USP6NL: variants seen among roughly 807,000 people sequenced by gnomAD.
USP6NL encodes USP6 N-terminal like.
Under a neutral mutation model 61.9 loss-of-function variants are expected in USP6NL, and 26 were observed. The ratio of observed to expected loss-of-function variants is 0.42; its 90% CI spans 0.31 to 0.58. USP6NL has a LOEUF of 0.58. Ranked by LOEUF, USP6NL falls within the 20% of genes least tolerant of loss-of-function variation. The probability of loss-of-function intolerance (pLI) is 0.16; values close to 1 mark genes in which losing one functional copy is unlikely to be tolerated. For missense variants in USP6NL, 1,114 were observed against 1,034.3 expected, an observed-to-expected ratio of 1.08 and a Z score of -1.06; for synonymous variants, 432 against 390.1, an observed-to-expected ratio of 1.11 and a Z score of -1.27.
Position 11,520,661 on chromosome 10 carries a change from T to C in USP6NL, c.156-2087A>G, listed in dbSNP as rs1471962459. ...CCACAATCTGGGTGAATGCAGAGAA[T>C]TCCTTTAGGTCAGCAAACTATGGTG... On this transcript the variant is annotated intron_variant, in intron 4 of 14. Coordinates refer to ENST00000609104, the MANE Select transcript of USP6NL (RefSeq NM_014688.5). The surrounding 1 kb of genome is among the most constrained non-coding windows in gnomAD (Gnocchi z 5.2). Among the ~76,000 whole-genome samples the C allele has an allele frequency of 6.6e-6, 1 of 152,232 alleles. No individual in the cohort carries two copies. Among genetic ancestry groups the C allele is most frequent in the Non-Finnish European group, 1.5e-5 (1 of 68,036 alleles).
At chr10:11,603,135 G>A (rs1445572024) in intron 1 of USP6NL, among the ~76,000 whole-genome samples, 1 of 152,208 alleles carries the variant, frequency 6.6e-6, no homozygotes, top group Non-Finnish European at 1.5e-5. Context: ...AGAGCAAAAT[G>A]AGCAATCATC....
intron 3 of USP6NL, among the ~76,000 whole-genome samples, chr10:11,527,162 G>C (rs1479908506): frequency 1.3e-5 from 2 of 152,108 alleles, no homozygotes; most frequent in Non-Finnish European, 2.9e-5. Context: ...GGTCAGAGAA[G>C]ATCTCAGTAA....
rs1205428229 is a variant in USP6NL at position 11,520,423 on chromosome 10, G to A, written c.156-1849C>T. On this transcript the variant is annotated intron_variant, in intron 4 of 14. Coordinates refer to ENST00000609104, the MANE Select transcript of USP6NL (RefSeq NM_014688.5). This position sits in a 1 kb window ranked among gnomAD's most constrained non-coding sequence, Gnocchi z 5.2. ...CCCTCAAGTCTCTGTGCCGGCATAT[G>A]CTTAAATTTCACACCCTTCCGAGGA... is the stretch of plus-strand genomic sequence containing the variant. 1.3e-5 allele frequency among the ~76,000 whole-genome samples: 2 copies of A among 152,188 alleles called. No homozygotes were observed. Among genetic ancestry groups the A allele is most frequent in the Non-Finnish European group, 2.9e-5 (2 of 68,038 alleles).
intron 2 of USP6NL, among the ~76,000 whole-genome samples, chr10:11,543,579 T>C (rs1244972751): frequency 6.6e-6 from 1 of 151,838 alleles, no homozygotes; most frequent in East Asian, 1.9e-4. Context: ...AAAAGAAACA[T>C]CTATATAATC....
chr10:11,555,847 T>C (rs1836690076), intron 2 of USP6NL, among the ~76,000 whole-genome samples: 1 of 152,112 alleles, frequency 6.6e-6, no homozygotes, highest in African/African-American at 2.4e-5. Context: ...CAGAAGATAA[T>C]GAAATTACAC....
In USP6NL at chr10:11,541,320, A is replaced by G. The variant is rs1371413514; in HGVS notation, c.5-13753T>C. Among the ~76,000 whole-genome samples, 10 of 144,534 alleles carry G rather than the reference A, an allele frequency of 6.9e-5. No individual in the cohort carries two copies. The East Asian group carries it at 2.0e-3, about 29-fold the overall frequency. The allele number at this position is 144,534 out of a possible 152,430, so 94.8% of individuals were successfully genotyped here. ...GACCAGATGAATTAAGTAGCAACTAAGAACCTGAGTGATAAGCAGTAACCA... is the reference window on the plus strand; with the variant it reads ...GACCAGATGAATTAAGTAGCAACTAGGAACCTGAGTGATAAGCAGTAACCA... On this transcript the variant is annotated intron_variant, in intron 2 of 14. Transcript: ENST00000609104.
rs983817823 is a variant in USP6NL at position 11,517,078 on chromosome 10, A to G, written c.195+1457T>C. Reference sequence around the variant, plus strand: ...CAGATTTTTATTTTGCCAAATGTGGATATCTTTTGTTAAAGATATCTTCCA... The same window carrying G: ...CAGATTTTTATTTTGCCAAATGTGGGTATCTTTTGTTAAAGATATCTTCCA... On this transcript the variant is annotated intron_variant, in intron 5 of 14. Transcript: ENST00000609104. 2.6e-5 allele frequency among the ~76,000 whole-genome samples: 4 copies of G among 152,314 alleles called. No homozygotes were observed. The East Asian group carries it at 5.8e-4, about 22-fold the overall frequency.
chr10:11,556,573 T>C (rs1380114681), intron 2 of USP6NL, among the ~76,000 whole-genome samples: 1 of 151,994 alleles, frequency 6.6e-6, no homozygotes, highest in African/African-American at 2.4e-5. Flanking sequence ...AGTAAAAGAA[T>C]GGGAAAGTTA....
chr10:11,515,077 A>G (rs189183210), intron 5 of USP6NL, among the ~76,000 whole-genome samples: 1 of 152,322 alleles, frequency 6.6e-6, no homozygotes, highest in Admixed American at 6.5e-5. Context: ...AGAAGGTCGA[A>G]GGATTAAAAC....
chr10:11,602,109 C>A lies in USP6NL; in HGVS notation c.-83-4392G>T, dbSNP rs11257190. On this transcript the variant is annotated intron_variant, in intron 1 of 14. Transcript: ENST00000609104. The surrounding 1 kb of genome is among the most constrained non-coding windows in gnomAD (Gnocchi z 4.8). ...CGTCCAAATAACAAGGGATTGACTACATTGTTAATTCACATTTAATAGATT... is the reference window on the plus strand; with the variant it reads ...CGTCCAAATAACAAGGGATTGACTAAATTGTTAATTCACATTTAATAGATT... 0.22 allele frequency among the ~76,000 whole-genome samples: 32,761 copies of A among 152,016 alleles called. 4,136 individuals carry two copies. Among genetic ancestry groups the A allele is most frequent in the East Asian group, 0.58 (3,010 of 5,174 alleles).
At chr10:11,527,388 T>A in intron 3 of USP6NL, 112 bp downstream of exon 3, 1 of 877,070 alleles carries the variant, frequency 1.1e-6, no homozygotes, top group Non-Finnish European at 1.8e-6. Context: ...TATGTCCCCA[T>A]GAAGTTAAAC....
At chr10:11,608,340 T>A (rs1344547623) in intron 1 of USP6NL, among the ~76,000 whole-genome samples, 1 of 152,228 alleles carries the variant, frequency 6.6e-6, no homozygotes, top group East Asian at 1.9e-4. Flanking sequence ...CTAATGGCTA[T>A]GGAACAAAGC....
intron 2 of USP6NL, among the ~76,000 whole-genome samples, chr10:11,593,067 T>G (rs890265510): frequency 2.6e-5 from 4 of 152,176 alleles, no homozygotes; most frequent in Admixed American, 2.6e-4. Context: ...TTTCATTATT[T>G]AGAACAAAGG....
chr10:11,530,828 ATAGT>A (rs1566161899), intron 2 of USP6NL, among the ~76,000 whole-genome samples: 1 of 152,248 alleles, frequency 6.6e-6, no homozygotes, highest in African/African-American at 2.4e-5. Context: ...AGGGTTTGCT[ATAGT>A]TAAATTATGG....
At chr10:11,505,417 T>C (rs912814683) in intron 6 of USP6NL, among the ~76,000 whole-genome samples, 3 of 152,132 alleles carry the variant, frequency 2.0e-5, no homozygotes, top group Admixed American at 2.0e-4. Context: ...ATGAAAAAAT[T>C]AGGACATAGA....
At chr10:11,610,381 T>C (rs1275447062) in intron 1 of USP6NL, among the ~76,000 whole-genome samples, 2 of 152,204 alleles carry the variant, frequency 1.3e-5, no homozygotes, top group Non-Finnish European at 2.9e-5. Flanking sequence ...GGCTAATTTA[T>C]TCTTATTCAG....
chr10:11,466,862 T>C (rs190252846), intron 14 of USP6NL, among the ~76,000 whole-genome samples: 11 of 152,210 alleles, frequency 7.2e-5, no homozygotes, highest in Non-Finnish European at 1.5e-4. Flanking sequence ...TTTGTGAATC[T>C]AAAGATAGAA....
Position 11,485,318 on chromosome 10 carries a change from T to C in USP6NL, c.760-84A>G, listed in dbSNP as rs1833413751. 3 of 1,118,486 alleles carry C rather than the reference T, an allele frequency of 2.7e-6. No homozygotes were observed. Among genetic ancestry groups the C allele is most frequent in the Non-Finnish European group, 3.8e-6 (3 of 799,088 alleles). 69.3% of individuals were successfully genotyped at this position (1,118,486 alleles called of 1,614,324 possible). A position where few individuals can be genotyped will look rare whatever the true frequency, so the allele number is the denominator to read the frequency against. On this transcript the variant is annotated intron_variant, in intron 11 of 14. Transcript: ENST00000609104. The surrounding 1 kb of genome is among the most constrained non-coding windows in gnomAD (Gnocchi z 4.8). ...ATACTAAGTTAGGAAGGCTGTTGGA[T>C]GCAGCTATCAAAGCTAAACACATTT...
Position 11,462,863 on chromosome 10 carries a change from T to G in USP6NL, c.2065A>C (p.Ser689Arg). The G allele has an allele frequency of 6.2e-7, 1 of 1,613,898 alleles. No homozygotes were observed. The highest frequency in any genetic ancestry group is 1.7e-5 in the Admixed American group (1 of 60,004). ...CGACTAGACGGCAGTACAAGGGGGCTTGGGCGGCTGTAAGATTTCTCCGGA... is the reference window on the plus strand; with the variant it reads ...CGACTAGACGGCAGTACAAGGGGGCGTGGGCGGCTGTAAGATTTCTCCGGA... ...ASPEKSYSRP[S>R]PLVLPSSRIE... The change falls in exon 15 of 15, where the codon AGC (serine) becomes CGC (arginine). Residue 689 changes from serine (S) to arginine (R), a missense_variant. Ser to Arg is a moderately radical substitution (Grantham distance 110, BLOSUM62 -1). Transcript: ENST00000609104.
Sources: allele counts gnomAD v4.1 joint callset (sites outside exome capture counted in the v4.1 genomes callset), GRCh38; gene constraint gnomAD v4.1.1; non-coding constraint Gnocchi (gnomAD v3.1); transcripts MANE v1.5; gene names NCBI Gene and HGNC (gene_info 2026-07-23, HGNC 2026-07-21).